The following MEI4 variants were observed in gnomAD, a reference collection of about 807,000 sequenced individuals.
MEI4 encodes meiotic double-stranded break formation protein 4.
A neutral mutation model predicts 31.4 loss-of-function variants in MEI4; 27 were observed. The ratio of observed to expected loss-of-function variants is 0.86; its 90% confidence interval spans 0.63 to 1.19. The LOEUF is 1.19. MEI4 is among the 50% of genes most tolerant of loss of function. The probability of loss-of-function intolerance (pLI) is 0.00; values close to 1 mark genes in which losing one functional copy is unlikely to be tolerated. For missense variants in MEI4, 329 were observed against 398.9 expected (o/e 0.82, Z 1.49); for synonymous variants, 122 against 145.4 (o/e 0.84, Z 1.16).
intron 2 of MEI4, among the ~76,000 whole-genome samples, chr6:77,745,974 T>C (rs1767589813): frequency 6.6e-6 from 1 of 150,420 alleles, no homozygotes; most frequent in Admixed American, 6.6e-5. Flanking sequence ...CAAAGCAGTG[T>C]GTAGAGGGAA....
intron 3 of MEI4, among the ~76,000 whole-genome samples, chr6:77,782,361 A>G (rs550875090): frequency 9.2e-5 from 14 of 152,318 alleles, no homozygotes; most frequent in Admixed American, 5.2e-4. Flanking sequence ...TCTTCTTCAT[A>G]TACTCACAGC....
chr6:77,898,772 AT>A (rs918886194), intron 4 of MEI4, among the ~76,000 whole-genome samples: 116 of 151,288 alleles, frequency 7.7e-4, no homozygotes, highest in African/African-American at 1.8e-3. Context: ...CCTTTGTTAC[AT>A]TTTTTTTTAT....
chr6:77,650,647 T>G (rs556448798), upstream of MEI4, among the ~76,000 whole-genome samples: 1 of 152,262 alleles, frequency 6.6e-6, no homozygotes, highest in Non-Finnish European at 1.5e-5. Flanking sequence ...TTTCTGTGCC[T>G]GTGGACCACT....
intron 4 of MEI4, among the ~76,000 whole-genome samples, chr6:77,885,352 A>G (rs977108866): frequency 6.6e-6 from 1 of 151,764 alleles, no homozygotes; most frequent in African/African-American, 2.4e-5. Flanking sequence ...TGCCCAGCTA[A>G]TTTTTATTTT....
intron 2 of MEI4, among the ~76,000 whole-genome samples, chr6:77,701,064 C>G (rs1276880424): frequency 1.3e-5 from 2 of 152,152 alleles, no homozygotes; most frequent in Admixed American, 1.3e-4. Context: ...TCTTCCTGAT[C>G]TATGGAAGAG....
At chr6:77,664,527 A>T (rs1272653884) in intron 1 of MEI4, among the ~76,000 whole-genome samples, 3 of 152,016 alleles carry the variant, frequency 2.0e-5, no homozygotes, top group South Asian at 4.1e-4. Context: ...AGGTGTGAGG[A>T]GGGGAGGCGA....
intron 3 of MEI4, among the ~76,000 whole-genome samples, chr6:77,775,863 T>C (rs565424792): frequency 2.0e-5 from 3 of 152,240 alleles, no homozygotes; most frequent in Admixed American, 1.3e-4. Flanking sequence ...ACATCTATTA[T>C]TTTTCTATTT....
chr6:77,771,040 T>C (rs1354997584), intron 3 of MEI4, among the ~76,000 whole-genome samples: 1 of 152,160 alleles, frequency 6.6e-6, no homozygotes, highest in Admixed American at 6.5e-5. Context: ...ATCTGTGCTC[T>C]GACAAAGTCC....
chr6:77,777,665 C>G (rs567382945), intron 3 of MEI4, among the ~76,000 whole-genome samples: 1 of 152,114 alleles, frequency 6.6e-6, no homozygotes, highest in Non-Finnish European at 1.5e-5. Flanking sequence ...AGCTTTCAGT[C>G]CTTGCTCTTA....
At chr6:77,690,618 TA>T in intron 1 of MEI4, 39 bp from the exon 2 acceptor site, 2 of 1,018,640 alleles carry the variant, frequency 2.0e-6, no homozygotes, top group Non-Finnish European at 2.5e-6. Context: ...CTGCACAAGT[TA>T]AAAAGAATTT....
chr6:77,787,990 T>C (rs975454818), intron 3 of MEI4, among the ~76,000 whole-genome samples: 2 of 152,170 alleles, frequency 1.3e-5, no homozygotes. Flanking sequence ...TGCCAGGCTT[T>C]GGTATCAGGA....
chr6:77,777,081 A>G (rs773138297), intron 3 of MEI4, among the ~76,000 whole-genome samples: 5 of 152,180 alleles, frequency 3.3e-5, no homozygotes, highest in Non-Finnish European at 7.3e-5. Flanking sequence ...TAAAGTTAGT[A>G]TATTGAGGAC....
At chr6:77,744,867 C>T (rs1032881673) in intron 2 of MEI4, among the ~76,000 whole-genome samples, 5 of 152,156 alleles carry the variant, frequency 3.3e-5, no homozygotes, top group African/African-American at 1.2e-4. Flanking sequence ...TCCAGCCAAA[C>T]TAAGCTTCAT....
intron 2 of MEI4, among the ~76,000 whole-genome samples, chr6:77,751,609 T>G (rs1000639954): frequency 2.6e-5 from 4 of 151,822 alleles, no homozygotes; most frequent in African/African-American, 9.7e-5. Context: ...AGTTCTGAAA[T>G]TGAGGCAGCA....
intron 4 of MEI4, among the ~76,000 whole-genome samples, chr6:77,836,330 A>G (rs1000687238): frequency 1.3e-5 from 2 of 152,166 alleles, no homozygotes; most frequent in Non-Finnish European, 1.5e-5. Flanking sequence ...CACAGGTGAA[A>G]TCTGAATTTA....
chr6:77,656,743 C>G (rs1768404407), intron 1 of MEI4, among the ~76,000 whole-genome samples: 1 of 152,034 alleles, frequency 6.6e-6, no homozygotes. Flanking sequence ...AAATAATTTA[C>G]TCTTAATAAT....
At chr6:77,846,603 A>C (rs1334467904) in intron 4 of MEI4, among the ~76,000 whole-genome samples, 2 of 152,120 alleles carry the variant, frequency 1.3e-5, no homozygotes, top group Non-Finnish European at 2.9e-5. Context: ...GAACTTAATA[A>C]AATTTATCTA....
chr6:77,748,687 T>A (rs1241860241), intron 2 of MEI4, among the ~76,000 whole-genome samples: 1 of 152,252 alleles, frequency 6.6e-6, no homozygotes, highest in Non-Finnish European at 1.5e-5. Flanking sequence ...TGGCTTGAAT[T>A]TCTCCCAAGA....
rs1175097451 is a variant in MEI4, at chr6:77,923,479, A to AACTT, written c.*135_*138dup. The stretch of plus-strand genomic sequence containing the variant: ...GATCTCTAAATATAATTATCAATTC[A>AACTT]ACTTAATGGTTAGTCTTAAATTGTA... On this transcript the variant is annotated 3_prime_UTR_variant, in exon 5 of 5. Transcript: ENST00000684080. 9.5e-5 allele frequency: 70 copies of AACTT among 736,050 alleles called. No homozygotes were observed. In the African/African-American group the frequency reaches 1.2e-3, roughly 13 times the overall value. The allele number at this position is 736,050 out of a possible 1,614,324, so 45.6% of individuals were successfully genotyped here. A position where few individuals can be genotyped will look rare whatever the true frequency, so the allele number is the denominator to read the frequency against.
Sources: allele counts gnomAD v4.1 joint callset (sites outside exome capture counted in the v4.1 genomes callset), GRCh38; gene constraint gnomAD v4.1.1; transcripts MANE v1.5; gene names NCBI Gene and HGNC (gene_info 2026-07-23, HGNC 2026-07-21).